CACHD1: variants seen among roughly 807,000 people sequenced by gnomAD.
The protein encoded by CACHD1 is VWFA and cache domain-containing protein 1.
In CACHD1, 71 loss-of-function variants were observed where a neutral mutation model predicts 138.7. The ratio of observed to expected loss-of-function variants is 0.51; its 90% CI spans 0.42 to 0.62. CACHD1 has a LOEUF of 0.62. CACHD1 is among the 20% of genes least tolerant of loss of function. The pLI is 0.00. For missense variants in CACHD1, 1,389 were observed against 1,625.3 expected (o/e 0.85, Z 2.50); for synonymous variants, 578 against 591.5 (o/e 0.98, Z 0.33).
At chr1:64,561,158 G>GC (rs1189684082) in intron 2 of CACHD1, among the ~76,000 whole-genome samples, 2 of 146,862 alleles carry the variant, frequency 1.4e-5, no homozygotes, top group Non-Finnish European at 3.0e-5. Flanking sequence ...AATATTTTGG[G>GC]TTTTTTTTCT....
intron 5 of CACHD1, among the ~76,000 whole-genome samples, chr1:64,631,091 GC>G (rs1270914930): frequency 6.6e-6 from 1 of 152,156 alleles, no homozygotes; most frequent in African/African-American, 2.4e-5. Context: ...TATGAGGACT[GC>G]CCCCCAGTTT....
At chr1:64,675,335 T>A in intron 19 of CACHD1, 66 bp from the exon 20 acceptor site, 1 of 1,316,764 alleles carries the variant, frequency 7.6e-7, no homozygotes, top group East Asian at 2.4e-5. Flanking sequence ...AGAGTTGTTT[T>A]CACCAAGGTA....
chr1:64,627,996 G>A (rs1648169743), intron 4 of CACHD1, among the ~76,000 whole-genome samples: 1 of 152,192 alleles, frequency 6.6e-6, no homozygotes, highest in Admixed American at 6.5e-5. Context: ...AAATGTGTCA[G>A]TGTTATAAAG....
intron 4 of CACHD1, among the ~76,000 whole-genome samples, chr1:64,626,905 C>T (rs1648117600): frequency 6.6e-6 from 1 of 152,110 alleles, no homozygotes; most frequent in Non-Finnish European, 1.5e-5. Flanking sequence ...TTTCCAATCT[C>T]CCTCAATTAG....
In CACHD1 at chr1:64,654,806, G is replaced by A; in HGVS notation, c.1782+3G>A. 2 of 1,595,914 alleles carry A rather than the reference G, an allele frequency of 1.3e-6. No homozygotes were observed. Among genetic ancestry groups the A allele is most frequent in the Non-Finnish European group, 1.7e-6 (2 of 1,163,654 alleles). On this transcript the variant is annotated splice_donor_region_variant and intron_variant, in intron 12 of 26. Transcript: ENST00000651257. ...ATGTTAGCTATGCCTGGAAGATGGT[G>A]AGTGAGAGGAAGTTGTGTTTGCTTG...
intron 2 of CACHD1, among the ~76,000 whole-genome samples, chr1:64,565,703 T>C (rs1004105991): frequency 1.3e-5 from 2 of 152,210 alleles, no homozygotes; most frequent in African/African-American, 4.8e-5. Flanking sequence ...TATTTATGTT[T>C]CTTTATCAGT....
At chr1:64,687,709 T>C (rs1478607384) in intron 26 of CACHD1, among the ~76,000 whole-genome samples, 2 of 152,092 alleles carry the variant, frequency 1.3e-5, no homozygotes, top group Admixed American at 6.6e-5. Context: ...ATGAGACTAG[T>C]GAATGTTGTA....
intron 1 of CACHD1, among the ~76,000 whole-genome samples, chr1:64,522,424 C>T (rs1646505249): frequency 6.6e-6 from 1 of 152,084 alleles, no homozygotes; most frequent in South Asian, 2.1e-4. Flanking sequence ...TCTCCTGCCT[C>T]AGCCTCCCGA....
intron 26 of CACHD1, among the ~76,000 whole-genome samples, chr1:64,686,210 C>A (rs1342305119): frequency 1.3e-5 from 2 of 152,090 alleles, no homozygotes; most frequent in Non-Finnish European, 2.9e-5. Flanking sequence ...CCATGTGAAT[C>A]CTTGAGTGTG....
At chr1:64,578,650 G>A (rs1207313814) in intron 2 of CACHD1, among the ~76,000 whole-genome samples, 1 of 152,198 alleles carries the variant, frequency 6.6e-6, no homozygotes, top group Non-Finnish European at 1.5e-5. Context: ...TTATCTGGAA[G>A]TTTCTTGGTT....
chr1:64,616,834 G>A (rs1225165698), intron 4 of CACHD1, among the ~76,000 whole-genome samples: 2 of 152,166 alleles, frequency 1.3e-5, no homozygotes, highest in East Asian at 1.9e-4. Context: ...GTGGAAAGGG[G>A]CCATGGCATA....
intron 25 of CACHD1, among the ~76,000 whole-genome samples, chr1:64,681,692 A>G (rs1382354524): frequency 1.3e-5 from 2 of 151,888 alleles, no homozygotes; most frequent in Non-Finnish European, 2.9e-5. Flanking sequence ...CTTAACTAGT[A>G]TGTACAACTC....
chr1:64,689,333 T>G (rs1319582398), intron 26 of CACHD1, among the ~76,000 whole-genome samples: 1 of 152,194 alleles, frequency 6.6e-6, no homozygotes, highest in African/African-American at 2.4e-5. Context: ...TTGTCCTTTC[T>G]TATCCTTATA....
At chr1:64,596,585 TG>T (rs1362592813) in intron 3 of CACHD1, among the ~76,000 whole-genome samples, 1 of 152,210 alleles carries the variant, frequency 6.6e-6, no homozygotes, top group Non-Finnish European at 1.5e-5. Flanking sequence ...AAACAAAGCT[TG>T]GTAATTCAGT....
chr1:64,475,769 C>T (rs1195556658), intron 1 of CACHD1, among the ~76,000 whole-genome samples: 1 of 152,014 alleles, frequency 6.6e-6, no homozygotes. Flanking sequence ...AGGATGGTCT[C>T]GATTTCCTGA....
At chr1:64,623,102 A>T (rs891641614) in intron 4 of CACHD1, among the ~76,000 whole-genome samples, 3 of 152,172 alleles carry the variant, frequency 2.0e-5, no homozygotes, top group Non-Finnish European at 2.9e-5. Context: ...TTAATTTTTT[A>T]AATTAAATTT....
chr1:64,538,605 G>C (rs987532322), intron 1 of CACHD1, among the ~76,000 whole-genome samples: 4 of 152,186 alleles, frequency 2.6e-5, no homozygotes, highest in African/African-American at 9.7e-5. Context: ...TCACCAGACT[G>C]TAGAGCTAGT....
chr1:64,574,752 T>C (rs1319193193), intron 2 of CACHD1, among the ~76,000 whole-genome samples: 1 of 152,214 alleles, frequency 6.6e-6, no homozygotes, highest in African/African-American at 2.4e-5. Flanking sequence ...ACAAAGCAGC[T>C]ATTATTATAT....
chr1:64,600,387 C>A (rs75820644), intron 3 of CACHD1, among the ~76,000 whole-genome samples: 1 of 152,176 alleles, frequency 6.6e-6, no homozygotes, highest in Non-Finnish European at 1.5e-5. Flanking sequence ...ACTCTCTTAA[C>A]GGTGGATCCC....
Sources: allele counts gnomAD v4.1 joint callset (sites outside exome capture counted in the v4.1 genomes callset), GRCh38; gene constraint gnomAD v4.1.1; transcripts MANE v1.5; gene names NCBI Gene and HGNC (gene_info 2026-07-23, HGNC 2026-07-21).